The following DPH6 variants were observed in gnomAD, a reference collection of about 807,000 sequenced individuals.
DPH6 encodes the protein diphthamine biosynthesis 6.
In DPH6, 33 loss-of-function variants were observed where a neutral mutation model predicts 38.2. That is an observed-to-expected ratio of 0.86 (90% CI 0.65 to 1.15). DPH6 has a LOEUF of 1.15. Ranked by LOEUF, DPH6 falls within the 50% of genes most tolerant of loss-of-function variation. DPH6 has a pLI of 0.00. For missense variants in DPH6, 325 were observed against 320.0 expected (o/e 1.02, Z -0.12); for synonymous variants, 108 against 103.0 (o/e 1.05, Z -0.30).
chr15:35,445,982 C>G (rs936930083), intron 5 of DPH6, among the ~76,000 whole-genome samples: 1 of 152,144 alleles, frequency 6.6e-6, no homozygotes, highest in African/African-American at 2.4e-5. Flanking sequence ...AGCGTAAATA[C>G]TGTAAACCTC....
chr15:35,482,149 A>G (rs1281944551), intron 3 of DPH6, among the ~76,000 whole-genome samples: 1 of 152,234 alleles, frequency 6.6e-6, no homozygotes, highest in Non-Finnish European at 1.5e-5. Flanking sequence ...CCCCACACCC[A>G]GCAGCATTGT....
chr15:35,383,217 G>C (rs906922362), intron 6 of DPH6, among the ~76,000 whole-genome samples: 1 of 152,088 alleles, frequency 6.6e-6, no homozygotes, highest in Non-Finnish European at 1.5e-5. Flanking sequence ...ATTTGGTATG[G>C]TTATTATCCT....
chr15:35,250,665 C>T (rs555750601), intron 3 of DPH6, among the ~76,000 whole-genome samples: 1 of 151,544 alleles, frequency 6.6e-6, no homozygotes, highest in Non-Finnish European at 1.5e-5. Flanking sequence ...TACTATGCAT[C>T]CATTCTGGGT....
chr15:35,408,225 A>G (rs2053320577), intron 6 of DPH6, among the ~76,000 whole-genome samples: 1 of 152,058 alleles, frequency 6.6e-6, no homozygotes, highest in Admixed American at 6.6e-5. Flanking sequence ...GTAGGCAATG[A>G]GGACTCACTT....
intron 3 of DPH6, among the ~76,000 whole-genome samples, chr15:35,336,665 A>G (rs1432767148): frequency 6.6e-6 from 1 of 152,146 alleles, no homozygotes; most frequent in African/African-American, 2.4e-5. Context: ...AGAGTTGTTG[A>G]ATTTTGTCAA....
the DPH6 span, among the ~76,000 whole-genome samples, chr15:35,161,953 G>C: frequency 2.0e-5 from 3 of 151,972 alleles, no homozygotes; most frequent in African/African-American, 7.2e-5. Flanking sequence ...ACCCCATTTT[G>C]ATAAGTGGCA....
At chr15:35,154,281 T>C in the DPH6 span, among the ~76,000 whole-genome samples, 2 of 152,084 alleles carry the variant, frequency 1.3e-5, no homozygotes, top group Non-Finnish European at 2.9e-5. Context: ...AACATCAAAT[T>C]TTAGGCCATA....
chr15:35,379,672 T>C (rs1452400269), intron 7 of DPH6, among the ~76,000 whole-genome samples: 1 of 152,180 alleles, frequency 6.6e-6, no homozygotes, highest in African/African-American at 2.4e-5. Context: ...AGATTTTGTT[T>C]ATATTAAGTG....
intron 3 of DPH6, among the ~76,000 whole-genome samples, chr15:35,226,013 A>G (rs574396114): frequency 8.5e-5 from 13 of 152,304 alleles, no homozygotes; most frequent in African/African-American, 3.1e-4. Flanking sequence ...TTGGGAGGCT[A>G]AGGCAGGAAG....
At position 35,487,216 on chromosome 15, in the gene DPH6, G is replaced by A. The variant is rs533576374; in HGVS notation, c.313-32396C>T. ...AGGGGATCTACCATTCTGGGGTTTC[G>A]AGAACAGTGGCCCTCTTCTCACAGC... On this transcript the variant is annotated intron_variant, in intron 3 of 8. Coordinates refer to ENST00000256538, the MANE Select transcript of DPH6 (RefSeq NM_080650.4). Among the ~76,000 whole-genome samples the A allele has an allele frequency of 4.6e-5, 7 of 152,254 alleles. No homozygotes were observed. In the East Asian group the frequency reaches 5.8e-4, roughly 13 times the overall value.
chr15:35,210,248 G>A, the DPH6 span, among the ~76,000 whole-genome samples: 11 of 152,290 alleles, frequency 7.2e-5, no homozygotes, highest in East Asian at 1.5e-3. Flanking sequence ...TATTACCCGA[G>A]TTCTTACTTA....
At chr15:35,179,406 T>C in the DPH6 span, among the ~76,000 whole-genome samples, 1 of 151,882 alleles carries the variant, frequency 6.6e-6, no homozygotes, top group Admixed American at 6.6e-5. Flanking sequence ...ATAGCAAAAA[T>C]TGTTAATAAT....
the DPH6 span, among the ~76,000 whole-genome samples, chr15:35,210,927 T>G: frequency 6.9e-6 from 1 of 144,394 alleles, no homozygotes; most frequent in Non-Finnish European, 1.5e-5. Flanking sequence ...TTTTGGCTTC[T>G]AAGGACATAG....
At chr15:35,448,516 A>G (rs2053886278) in intron 5 of DPH6, among the ~76,000 whole-genome samples, 1 of 152,172 alleles carries the variant, frequency 6.6e-6, no homozygotes, top group Non-Finnish European at 1.5e-5. Flanking sequence ...ATCATTTCAC[A>G]TTCAAAGAAA....
the DPH6 span, among the ~76,000 whole-genome samples, chr15:35,164,704 GATCAGGT>G: frequency 6.6e-6 from 1 of 152,002 alleles, no homozygotes; most frequent in East Asian, 1.9e-4. Context: ...TAGTGGGAAT[GATCAGGT>G]ATTCTATCAG....
At chr15:35,214,018 A>G (rs957949819), downstream of DPH6, among the ~76,000 whole-genome samples, 1 of 151,974 alleles carries the variant, frequency 6.6e-6, no homozygotes, top group Non-Finnish European at 1.5e-5. Context: ...AGGCTGAGGC[A>G]GGAGAATGGC....
intron 3 of DPH6, among the ~76,000 whole-genome samples, chr15:35,349,529 T>A (rs558316880): frequency 3.9e-4 from 59 of 152,132 alleles, no homozygotes; most frequent in Non-Finnish European, 5.4e-4. Context: ...CTCTGCCTTC[T>A]GGGTTCAAGC....
At chr15:35,366,752 T>A (rs1262980654), downstream of DPH6, among the ~76,000 whole-genome samples, 2 of 151,946 alleles carry the variant, frequency 1.3e-5, no homozygotes, top group Non-Finnish European at 2.9e-5. Context: ...CAACAACATA[T>A]TATGGCCATA....
chr15:35,451,326 T>C (rs1415801649), intron 4 of DPH6, among the ~76,000 whole-genome samples: 1 of 152,156 alleles, frequency 6.6e-6, no homozygotes, highest in Non-Finnish European at 1.5e-5. Flanking sequence ...TTTTCCATTA[T>C]TGGTAAAGTA....
Sources: allele counts gnomAD v4.1 joint callset (sites outside exome capture counted in the v4.1 genomes callset), GRCh38; gene constraint gnomAD v4.1.1; transcripts MANE v1.5; gene names NCBI Gene and HGNC (gene_info 2026-07-23, HGNC 2026-07-21).